Variants in ADGRB3 observed in about 807,000 individuals in gnomAD.
ADGRB3 encodes adhesion G protein-coupled receptor B3.
A neutral mutation model predicts 193.4 loss-of-function variants in ADGRB3; 37 were observed. The observed-to-expected ratio is 0.19, with a 90% CI of 0.15 to 0.25. The LOEUF (loss-of-function observed/expected upper bound fraction) is 0.25, where lower values mean the gene tolerates loss of function less well. ADGRB3 is among the 10% of genes least tolerant of loss of function. ADGRB3 has a pLI of 1.00. For missense variants in ADGRB3, 1,637 were observed against 1,852.9 expected, an observed-to-expected ratio of 0.88 and a Z score of 2.14; for synonymous variants, 690 against 644.2, an observed-to-expected ratio of 1.07 and a Z score of -1.08.
chr6:69,027,534 T>G (rs1277818338), intron 13 of ADGRB3, among the ~76,000 whole-genome samples: 2 of 152,196 alleles, frequency 1.3e-5, no homozygotes, highest in Non-Finnish European at 2.9e-5. Context: ...ATTATAATTT[T>G]ATGTGACTAC....
intron 13 of ADGRB3, among the ~76,000 whole-genome samples, chr6:69,023,847 G>C (rs1308956205): frequency 1.3e-5 from 2 of 152,150 alleles, no homozygotes; most frequent in Admixed American, 6.5e-5. Flanking sequence ...GAATTTGAGA[G>C]TCTGTCTGAG....
At chr6:68,830,166 C>T (rs114486796) in intron 3 of ADGRB3, among the ~76,000 whole-genome samples, 2,617 of 152,208 alleles carry the variant, frequency 0.017, 78 homozygotes, top group African/African-American at 0.059. Flanking sequence ...TAATCAGGGA[C>T]TGTTAACGGT....
rs184320587 is a variant in ADGRB3, at chr6:68,831,367, C to T, written c.758-99192C>T. ...TTGGACATGCTGAATTTGAAGTATT[C>T]CAGATTTTTATGGACTTTTTAGGTG... On this transcript the variant is annotated intron_variant, in intron 3 of 31. Coordinates refer to ENST00000370598, the MANE Select transcript of ADGRB3 (RefSeq NM_001704.3). Among the ~76,000 whole-genome samples, 184 of 149,602 alleles carry T rather than the reference C, an allele frequency of 1.2e-3. No homozygotes were observed. In the Middle Eastern group the frequency reaches 0.014, roughly 12 times the overall value.
chr6:68,736,808 A>T (rs1765881665), intron 3 of ADGRB3, among the ~76,000 whole-genome samples: 1 of 152,118 alleles, frequency 6.6e-6, no homozygotes, highest in African/African-American at 2.4e-5. Flanking sequence ...TTTAATACAG[A>T]AAAGTTTATC....
intron 3 of ADGRB3, among the ~76,000 whole-genome samples, chr6:68,926,690 G>A (rs1023990749): frequency 2.6e-5 from 4 of 152,050 alleles, no homozygotes; most frequent in East Asian, 1.9e-4. Flanking sequence ...CTCATCTATC[G>A]ATGTGCTTGT....
intron 17 of ADGRB3, among the ~76,000 whole-genome samples, chr6:69,196,948 A>G (rs914298880): frequency 6.6e-6 from 1 of 152,074 alleles, no homozygotes; most frequent in African/African-American, 2.4e-5. Flanking sequence ...AAGTTATTTT[A>G]CCTCTCAGAG....
At chr6:68,789,802 G>T (rs1767062714) in intron 3 of ADGRB3, among the ~76,000 whole-genome samples, 2 of 152,162 alleles carry the variant, frequency 1.3e-5, no homozygotes, top group Non-Finnish European at 2.9e-5. Flanking sequence ...ATCAGACATA[G>T]ATTTGGTCTT....
chr6:69,356,416 A>G (rs1159618898), intron 28 of ADGRB3, among the ~76,000 whole-genome samples: 1 of 152,154 alleles, frequency 6.6e-6, no homozygotes, highest in Non-Finnish European at 1.5e-5. Context: ...CACTGTCTCC[A>G]TATTTATGTG....
chr6:68,780,973 CAA>C (rs1206887035), intron 3 of ADGRB3, among the ~76,000 whole-genome samples: 6 of 152,092 alleles, frequency 3.9e-5, no homozygotes, highest in Admixed American at 2.6e-4. Flanking sequence ...CTTTATATCT[CAA>C]GTCAGAACTA....
At chr6:68,976,318 G>C (rs967446492) in intron 10 of ADGRB3, among the ~76,000 whole-genome samples, 3 of 152,094 alleles carry the variant, frequency 2.0e-5, no homozygotes, top group Non-Finnish European at 2.9e-5. Context: ...AAATCTGAAA[G>C]TCAAATTCTG....
At chr6:69,181,384 C>T (rs1775579875) in intron 17 of ADGRB3, among the ~76,000 whole-genome samples, 1 of 151,728 alleles carries the variant, frequency 6.6e-6, no homozygotes, top group African/African-American at 2.4e-5. Flanking sequence ...ATACATTATT[C>T]CAGTCAGACA....
intron 8 of ADGRB3, among the ~76,000 whole-genome samples, chr6:68,970,304 A>G (rs936316269): frequency 6.9e-6 from 1 of 145,656 alleles, no homozygotes; most frequent in African/African-American, 2.5e-5. Flanking sequence ...TTTTTTTTTT[A>G]AATGGAATCT....
At chr6:68,902,328 T>C (rs1428264058) in intron 3 of ADGRB3, among the ~76,000 whole-genome samples, 2 of 152,130 alleles carry the variant, frequency 1.3e-5, no homozygotes, top group Non-Finnish European at 2.9e-5. Flanking sequence ...TCAAGCCATC[T>C]GTAGTAATTT....
intron 20 of ADGRB3, among the ~76,000 whole-genome samples, chr6:69,284,675 T>G (rs2127288458): frequency 6.6e-6 from 1 of 152,278 alleles, no homozygotes; most frequent in Non-Finnish European, 1.5e-5. Flanking sequence ...AAAAAAACCT[T>G]GATTTTAAGT....
intron 11 of ADGRB3, among the ~76,000 whole-genome samples, chr6:69,006,067 C>A (rs967596430): frequency 1.1e-4 from 16 of 152,038 alleles, no homozygotes; most frequent in Non-Finnish European, 1.8e-4. Flanking sequence ...TCACCTATTA[C>A]CAAAAAAGTA....
At chr6:69,343,892 T>G (rs931476189) in intron 26 of ADGRB3, among the ~76,000 whole-genome samples, 10 of 152,192 alleles carry the variant, frequency 6.6e-5, no homozygotes. Context: ...ATTGGTTGAT[T>G]GGAATTTATT....
At chr6:68,713,707 C>T (rs1765442018) in intron 3 of ADGRB3, among the ~76,000 whole-genome samples, 2 of 151,446 alleles carry the variant, frequency 1.3e-5, no homozygotes, top group Non-Finnish European at 3.0e-5. Flanking sequence ...AGACTGAACA[C>T]TCCAACAGTA....
intron 3 of ADGRB3, among the ~76,000 whole-genome samples, chr6:68,845,837 A>C (rs2127388975): frequency 6.6e-6 from 1 of 152,288 alleles, no homozygotes; most frequent in African/African-American, 2.4e-5. Flanking sequence ...TTATACCAGT[A>C]GAGTGGGGTG....
rs145595076 is a variant in ADGRB3 at position 69,320,630 on chromosome 6, C to T, written c.2815-4242C>T. Among the ~76,000 whole-genome samples the T allele has an allele frequency of 3.3e-5, 5 of 151,774 alleles. No homozygotes were observed. The East Asian group carries it at 7.8e-4, about 24-fold the overall frequency. On this transcript the variant is annotated intron_variant, in intron 20 of 31. Transcript: ENST00000370598. ...GTGTAGAATTCTATCTTCAAAGTTACTTTCTCTTAGAATGTTGAGAATCTC... is the reference window on the plus strand; with the variant it reads ...GTGTAGAATTCTATCTTCAAAGTTATTTTCTCTTAGAATGTTGAGAATCTC...
Sources: allele counts gnomAD v4.1 joint callset (sites outside exome capture counted in the v4.1 genomes callset), GRCh38; gene constraint gnomAD v4.1.1; transcripts MANE v1.5; gene names NCBI Gene and HGNC (gene_info 2026-07-23, HGNC 2026-07-21).